Variants in TRIP4 observed in about 807,000 individuals in gnomAD.
The protein encoded by TRIP4 is activating signal cointegrator 1.
In TRIP4, 54 loss-of-function variants were observed where a neutral mutation model predicts 81.8. That is an observed-to-expected ratio of 0.66 (90% CI 0.53 to 0.83). The LOEUF is 0.83. Ranked by LOEUF, TRIP4 falls within the 40% of genes least tolerant of loss-of-function variation. TRIP4 has a pLI of 0.00. For synonymous variants in TRIP4, 270 were observed against 242.8 expected (o/e 1.11, Z -1.04); for missense variants, 662 against 683.6 (o/e 0.97, Z 0.35).
chr15:64,407,184 A>G (rs953747623), intron 6 of TRIP4, among the ~76,000 whole-genome samples: 1 of 152,148 alleles, frequency 6.6e-6, no homozygotes, highest in Non-Finnish European at 1.5e-5. Context: ...GTAACCTGAG[A>G]GTCTGTTGCT....
chr15:64,438,635 G>T (rs933021193), intron 11 of TRIP4, among the ~76,000 whole-genome samples: 1 of 152,222 alleles, frequency 6.6e-6, no homozygotes, highest in Non-Finnish European at 1.5e-5. Flanking sequence ...TTAAGTTGGA[G>T]TGGAAGCCTA....
At chr15:64,438,503 G>A (rs1892448860) in intron 11 of TRIP4, among the ~76,000 whole-genome samples, 1 of 152,128 alleles carries the variant, frequency 6.6e-6, no homozygotes, top group African/African-American at 2.4e-5. Flanking sequence ...ATTTTTAGTA[G>A]AGACAGGGTT....
rs568202133 is a variant in TRIP4 at position 64,406,416 on chromosome 15, G to A, written c.784G>A (p.Ala262Thr). The A allele has an allele frequency of 1.2e-6, 2 of 1,614,140 alleles. No homozygotes were observed. The highest frequency in any genetic ancestry group is 3.3e-5 in the Admixed American group (2 of 60,018). Residue 262 changes from alanine (A) to threonine (T), a missense_variant, in exon 6 of 13, where the codon GCT (alanine) becomes ACT (threonine). By Grantham distance (58) the Ala-to-Thr change is moderately conservative (BLOSUM62 0). Coordinates refer to ENST00000261884, the MANE Select transcript of TRIP4 (RefSeq NM_016213.5). ...GCGAATTAAGTCTGGTCTGGAGAAG[G>A]CTATCAAGCATAAAGACAAACTGTT... ...ELRIKSGLEK[A>T]IKHKDKLLEF...
At chr15:64,440,504 G>A (rs1015319832) in intron 11 of TRIP4, among the ~76,000 whole-genome samples, 8 of 149,324 alleles carry the variant, frequency 5.4e-5, no homozygotes, top group African/African-American at 1.2e-4. Context: ...AGCTAACTTC[G>A]TTTTAATGCA....
intron 5 of TRIP4, among the ~76,000 whole-genome samples, 183 bp downstream of exon 5, chr15:64,401,004 C>A (rs1026344466): frequency 6.6e-6 from 1 of 152,070 alleles, no homozygotes; most frequent in African/African-American, 2.4e-5. Context: ...TCTTATCACC[C>A]AGGCTGGAGA....
rs10694997 is a variant in TRIP4 at position 64,444,746 on chromosome 15, C to CT, written c.1576-240dup. On this transcript the variant is annotated intron_variant, in intron 11 of 12. Transcript: ENST00000261884. ...TTCTTCTGGGAGGATTTCAGGTATC[C>CT]TTTTTTTTTTTTTTTTTTTTAATGA... The CT allele has an allele frequency of 0.058, 6,300 of 108,296 alleles. 658 individuals are homozygous for CT. The highest frequency in any genetic ancestry group is 0.19 in the African/African-American group (5,333 of 27,742). The allele number at this position is 108,296 out of a possible 1,614,324, so 6.7% of individuals were successfully genotyped here. A position where few individuals can be genotyped will look rare whatever the true frequency, so the allele number is the denominator to read the frequency against.
intron 11 of TRIP4, among the ~76,000 whole-genome samples, chr15:64,433,507 G>A (rs1174576569): frequency 1.3e-5 from 2 of 152,206 alleles, no homozygotes; most frequent in Non-Finnish European, 2.9e-5. Flanking sequence ...GGGAGGCTGA[G>A]GCAGGAGAAT....
chr15:64,454,133 C>CTT (rs879675137), intron 12 of TRIP4, among the ~76,000 whole-genome samples: 5 of 134,500 alleles, frequency 3.7e-5, no homozygotes, highest in South Asian at 2.4e-4. Flanking sequence ...TTTTTGTTTT[C>CTT]TTTTTTTTTT....
intron 7 of TRIP4, 116 bp downstream of exon 7, chr15:64,409,944 C>T: frequency 4.5e-6 from 4 of 893,564 alleles, no homozygotes; most frequent in Non-Finnish European, 6.6e-6. Flanking sequence ...TTATTTGGAA[C>T]AGAAAACATG....
At chr15:64,432,637 C>T (rs1193550351) in intron 11 of TRIP4, among the ~76,000 whole-genome samples, 6 of 149,626 alleles carry the variant, frequency 4.0e-5, no homozygotes, top group East Asian at 2.0e-4. Flanking sequence ...TACAGCCGGG[C>T]GTGGTGACTC....
Position 64,414,167 on chromosome 15 carries a change from T to C in TRIP4, c.1126T>C (p.Leu376=). 6.2e-7 allele frequency: 1 copy of C among 1,614,166 alleles called. No homozygotes were observed. The highest frequency in any genetic ancestry group is 8.5e-7 in the Non-Finnish European group (1 of 1,180,014). Residue 376 remains leucine (L), a synonymous_variant, in exon 8 of 13, where the codon TTG becomes CTG. Coordinates refer to ENST00000261884, the MANE Select transcript of TRIP4 (RefSeq NM_016213.5). The part of the protein sequence containing the change: ...TKLDRSSEEP[L]GVLVNPNMYQ... Reference sequence around the variant, plus strand: ...ATTGGATAGATCTTCTGAAGAGCCTTTGGGAGTTCTGGTAAATCCCAACAT... The same window carrying C: ...ATTGGATAGATCTTCTGAAGAGCCTCTGGGAGTTCTGGTAAATCCCAACAT...
At chr15:64,446,645 G>A (rs71409125) in intron 12 of TRIP4, among the ~76,000 whole-genome samples, 109 of 151,138 alleles carry the variant, frequency 7.2e-4, no homozygotes, top group Middle Eastern at 6.8e-3. Context: ...CTTGTGATCC[G>A]CCTGCCTTGG....
At chr15:64,403,332 T>A (rs183348215) in intron 5 of TRIP4, among the ~76,000 whole-genome samples, 1 of 151,826 alleles carries the variant, frequency 6.6e-6, no homozygotes, top group Non-Finnish European at 1.5e-5. Context: ...AAATTTTGTA[T>A]TTTTAGTAGA....
In TRIP4 at chr15:64,442,198, C is replaced by CA. The variant is rs60056692; in HGVS notation, c.1576-2794dup. 2.8e-3 allele frequency among the ~76,000 whole-genome samples: 400 copies of CA among 140,500 alleles called. 5 individuals carry two copies. The highest frequency in any genetic ancestry group is 0.01 in the African/African-American group (364 of 35,880). 92.2% of individuals were successfully genotyped at this position (140,500 alleles called of 152,430 possible). On this transcript the variant is annotated intron_variant, in intron 11 of 12. Coordinates refer to ENST00000261884, the MANE Select transcript of TRIP4 (RefSeq NM_016213.5). ...AGCAGAAGAATGGCGTGATCTGATACAAAAAAAAAAAAAATTAGTTCTGGC... is the reference window on the plus strand; with the variant it reads ...AGCAGAAGAATGGCGTGATCTGATACAAAAAAAAAAAAAAATTAGTTCTGGC...
chr15:64,440,563 A>T (rs1214611631), intron 11 of TRIP4, among the ~76,000 whole-genome samples: 2 of 150,994 alleles, frequency 1.3e-5, no homozygotes, highest in African/African-American at 4.9e-5. Flanking sequence ...GCTTTACTTT[A>T]TTCCTTGTAG....
chr15:64,400,954 TTTTTG>T, intron 5 of TRIP4, 133 bp downstream of exon 5: 3 of 728,824 alleles, frequency 4.1e-6, no homozygotes, highest in African/African-American at 1.8e-5. Flanking sequence ...TGGGGGGTTT[TTTTTG>T]TTTTGTTTTG....
At chr15:64,420,136 T>G (rs1234511185) in intron 9 of TRIP4, among the ~76,000 whole-genome samples, 1 of 151,478 alleles carries the variant, frequency 6.6e-6, no homozygotes, top group Non-Finnish European at 1.5e-5. Context: ...TTTTTTTTTT[T>G]TTGAGACGAA....
Position 64,413,937 on chromosome 15 carries a change from G to A in TRIP4, c.1044-148G>A, listed in dbSNP as rs548382189. 210 of 782,388 alleles carry A rather than the reference G, an allele frequency of 2.7e-4. 5 individuals carry two copies. The South Asian group carries it at 4.3e-3, about 16-fold the overall frequency. The allele number at this position is 782,388 out of a possible 1,614,324, so 48.5% of individuals were successfully genotyped here. A position where few individuals can be genotyped will look rare whatever the true frequency, so the allele number is the denominator to read the frequency against. On this transcript the variant is annotated intron_variant, in intron 7 of 12. Coordinates refer to ENST00000261884, the MANE Select transcript of TRIP4 (RefSeq NM_016213.5). Reference sequence around the variant, plus strand: ...TCCTTAGGGTTTTTGGTGTGAGAAGGAAGTTGGAGTGGGGAGTAGGGAAGG... The same window carrying A: ...TCCTTAGGGTTTTTGGTGTGAGAAGAAAGTTGGAGTGGGGAGTAGGGAAGG...
chr15:64,409,941 G>C, intron 7 of TRIP4, 113 bp downstream of exon 7: 5 of 958,042 alleles, frequency 5.2e-6, no homozygotes, highest in Non-Finnish European at 7.6e-6. Context: ...TGTTTATTTG[G>C]AACAGAAAAC....
Sources: gnomAD v4.1 joint callset for allele counts (sites outside exome capture counted in the v4.1 genomes callset) on GRCh38, gnomAD v4.1.1 for gene constraint, MANE v1.5 for transcripts, NCBI Gene and HGNC (gene_info 2026-07-23, HGNC 2026-07-21) for gene names.